PEPD: variants seen among roughly 807,000 people sequenced by gnomAD.
The protein encoded by PEPD is peptidase D.
Under a neutral mutation model 60.7 loss-of-function variants are expected in PEPD, and 53 were observed. The observed-to-expected ratio is 0.87, with a 90% confidence interval of 0.70 to 1.10. The LOEUF is 1.10. Ranked by LOEUF, PEPD falls within the 50% of genes least tolerant of loss-of-function variation. The probability of loss-of-function intolerance (pLI) is 0.00; values close to 1 mark genes in which losing one functional copy is unlikely to be tolerated. For synonymous variants in PEPD, 267 were observed against 284.1 expected, an observed-to-expected ratio of 0.94 and a Z score of 0.60; for missense variants, 711 against 711.9, an observed-to-expected ratio of 1.00 and a Z score of 0.01.
At chr19:33,458,628 GTGTGGCGTGTGTGTTGTGTGTGGTA>G (rs1465450573) in intron 9 of PEPD, among the ~76,000 whole-genome samples, 1 of 140,678 alleles carries the variant, frequency 7.1e-6, no homozygotes, top group Non-Finnish European at 1.6e-5. Flanking sequence ...TGTGTGATGT[GTGTGGCGTGTGTGTTGTGTGTGGTA>G]TGTGGCATGT....
chr19:33,459,801 C>A (rs921781691), intron 9 of PEPD, among the ~76,000 whole-genome samples: 2 of 152,106 alleles, frequency 1.3e-5, no homozygotes, highest in African/African-American at 4.8e-5. Flanking sequence ...GTGTGTCCAC[C>A]TTCGAGAAAA....
At chr19:33,438,385 G>A (rs940108653) in intron 9 of PEPD, among the ~76,000 whole-genome samples, 1 of 152,260 alleles carries the variant, frequency 6.6e-6, no homozygotes, top group African/African-American at 2.4e-5. Context: ...GGTGACTCTT[G>A]TGGTTGCCAG....
At chr19:33,408,550 A>G (rs1292474354) in intron 11 of PEPD, among the ~76,000 whole-genome samples, 1 of 151,528 alleles carries the variant, frequency 6.6e-6, no homozygotes, top group Admixed American at 6.6e-5. Context: ...TCCTCTTAGT[A>G]CCCCCCACCC....
intron 9 of PEPD, among the ~76,000 whole-genome samples, chr19:33,417,027 C>T (rs546302593): frequency 6.6e-6 from 1 of 152,328 alleles, no homozygotes; most frequent in South Asian, 2.1e-4. Flanking sequence ...CCCGGGCACA[C>T]GGCCCAGCTC....
chr19:33,426,350 A>G (rs948306105), intron 9 of PEPD, among the ~76,000 whole-genome samples: 2 of 152,198 alleles, frequency 1.3e-5, no homozygotes, highest in African/African-American at 4.8e-5. Flanking sequence ...CTAAACATCA[A>G]ATTGCTTTTT....
Position 33,489,171 on chromosome 19 carries a change from G to C in PEPD, c.503+825C>G, listed in dbSNP as rs373426622. 3.9e-5 allele frequency among the ~76,000 whole-genome samples: 6 copies of C among 152,296 alleles called. No individual in the cohort carries two copies. The South Asian group carries it at 1.2e-3, about 32-fold the overall frequency. On this transcript the variant is annotated intron_variant, in intron 6 of 14. Coordinates refer to ENST00000244137, the MANE Select transcript of PEPD (RefSeq NM_000285.4). ...TGCCCAAGGTCTGTCCTCCTGCCTG[G>C]AGAGAAAAGGGGAACCGCTTCCCAA... is the stretch of plus-strand genomic sequence containing the variant.
At chr19:33,389,183 TC>T (rs1238249172) in intron 13 of PEPD, 1 of 152,298 alleles carries the variant, frequency 6.6e-6, no homozygotes, top group African/African-American at 2.4e-5. Flanking sequence ...TGTGACTGAT[TC>T]CACGGAGGGC....
intron 9 of PEPD, among the ~76,000 whole-genome samples, chr19:33,417,543 C>T (rs1438392068): frequency 2.0e-5 from 3 of 152,208 alleles, no homozygotes; most frequent in African/African-American, 7.2e-5. Flanking sequence ...CTCTCCGTGC[C>T]TCAGTTTCCT....
chr19:33,505,237 C>G (rs1279155864), intron 3 of PEPD, among the ~76,000 whole-genome samples: 1 of 152,112 alleles, frequency 6.6e-6, no homozygotes, highest in East Asian at 1.9e-4. Flanking sequence ...AATGCTGCCT[C>G]GCCGACTCTC....
chr19:33,388,946 C>T (rs1404663822), intron 13 of PEPD: 1 of 152,432 alleles, frequency 6.6e-6, no homozygotes, highest in Non-Finnish European at 1.5e-5. Flanking sequence ...CACCATCCGG[C>T]CGGCGGCCAG....
At chr19:33,480,523 G>A (rs986461135) in intron 6 of PEPD, among the ~76,000 whole-genome samples, 8 of 152,186 alleles carry the variant, frequency 5.3e-5, no homozygotes, top group Admixed American at 2.0e-4. Context: ...GAACAAAAAC[G>A]CGGTGGCTCA....
At chr19:33,420,895 C>A (rs1243186587) in intron 9 of PEPD, among the ~76,000 whole-genome samples, 1 of 152,168 alleles carries the variant, frequency 6.6e-6, no homozygotes, top group Non-Finnish European at 1.5e-5. Context: ...CCAGGGGCAG[C>A]CTGACTCCTA....
In PEPD at chr19:33,503,172, C is replaced by T. The variant is rs1024871604; in HGVS notation, c.330-2171G>A. Among the ~76,000 whole-genome samples, 5 of 152,274 alleles carry T rather than the reference C, an allele frequency of 3.3e-5. No homozygotes were observed. The South Asian group carries it at 1.0e-3, about 32-fold the overall frequency. On this transcript the variant is annotated intron_variant, in intron 3 of 14. Coordinates refer to ENST00000244137, the MANE Select transcript of PEPD (RefSeq NM_000285.4). ...CTCTGAGTCCTCCACCACTTCCCTC[C>T]CCACCCAAACCAGGAAGTACTGGCC...
At chr19:33,440,593 T>C (rs930906687) in intron 9 of PEPD, among the ~76,000 whole-genome samples, 1 of 152,152 alleles carries the variant, frequency 6.6e-6, no homozygotes, top group Non-Finnish European at 1.5e-5. Context: ...GCTCAGTCCC[T>C]CGCCCACTTT....
At chr19:33,451,566 G>T (rs751390798) in intron 9 of PEPD, among the ~76,000 whole-genome samples, 1 of 152,196 alleles carries the variant, frequency 6.6e-6, no homozygotes, top group Non-Finnish European at 1.5e-5. Context: ...AAATAAGGCT[G>T]TAGAAAAGAG....
At chr19:33,461,570 C>T (rs1301331395) in intron 9 of PEPD, among the ~76,000 whole-genome samples, 1 of 152,164 alleles carries the variant, frequency 6.6e-6, no homozygotes, top group Non-Finnish European at 1.5e-5. Context: ...TATTCCTGCC[C>T]CAATTTCTCA....
chr19:33,479,594 C>A (rs1568492359), intron 6 of PEPD, among the ~76,000 whole-genome samples: 1 of 152,098 alleles, frequency 6.6e-6, no homozygotes. Flanking sequence ...CCAATAGGCC[C>A]CAGTGTGTGT....
intron 7 of PEPD, among the ~76,000 whole-genome samples, chr19:33,466,391 A>G (rs1970016980): frequency 1.3e-5 from 2 of 152,364 alleles, no homozygotes; most frequent in South Asian, 2.1e-4. Context: ...TTGTGGGTCA[A>G]CTAAGTATAA....
intron 3 of PEPD, among the ~76,000 whole-genome samples, chr19:33,502,529 T>C (rs1204485259): frequency 6.6e-6 from 1 of 152,292 alleles, no homozygotes. Context: ...CCCCTTTTTT[T>C]TGAGGCAGAT....
Sources: allele counts gnomAD v4.1 joint callset (sites outside exome capture counted in the v4.1 genomes callset), GRCh38; gene constraint gnomAD v4.1.1; transcripts MANE v1.5; gene names NCBI Gene and HGNC (gene_info 2026-07-23, HGNC 2026-07-21).